The following SH3RF1 variants were observed in gnomAD, a reference collection of about 807,000 sequenced individuals.
SH3RF1 encodes the protein E3 ubiquitin-protein ligase SH3RF1.
A neutral mutation model predicts 74.0 loss-of-function variants in SH3RF1; 32 were observed. The ratio of observed to expected loss-of-function variants is 0.43; its 90% CI spans 0.33 to 0.58. The LOEUF is 0.58. Ranked by LOEUF, SH3RF1 falls within the 20% of genes least tolerant of loss-of-function variation. The probability of loss-of-function intolerance (pLI) is 0.05; values close to 1 mark genes in which losing one functional copy is unlikely to be tolerated. For missense variants in SH3RF1, 954 were observed against 1,130.9 expected (o/e 0.84, Z 2.24); for synonymous variants, 396 against 439.6 (o/e 0.90, Z 1.24).
chr4:169,182,291 C>T (rs925356675), intron 2 of SH3RF1, among the ~76,000 whole-genome samples: 13 of 152,092 alleles, frequency 8.5e-5, no homozygotes, highest in East Asian at 3.9e-4. Context: ...CTTTTATATG[C>T]GAATCAGGTA....
chr4:169,206,986 G>T (rs1232842586), intron 2 of SH3RF1, among the ~76,000 whole-genome samples: 2 of 151,866 alleles, frequency 1.3e-5, no homozygotes, highest in Admixed American at 1.3e-4. Flanking sequence ...TTGAGACAGG[G>T]TTTCACTCGT....
chr4:169,156,264 T>G (rs1416427496), intron 3 of SH3RF1, 140 bp downstream of exon 3: 31 of 906,054 alleles, frequency 3.4e-5, no homozygotes, highest in Non-Finnish European at 4.8e-5. Context: ...AGACTGCTTC[T>G]AGGCATTTTC....
At position 169,120,955 on chromosome 4, in the gene SH3RF1, C is replaced by G. The variant is rs1733427140; in HGVS notation, c.1381G>C (p.Glu461Gln). 6.2e-7 allele frequency: 1 copy of G among 1,614,034 alleles called. No individual in the cohort carries two copies. Among genetic ancestry groups the G allele is most frequent in the African/African-American group, 1.3e-5 (1 of 74,926 alleles). Residue 461 changes from glutamate (E) to glutamine (Q), a missense_variant, in exon 8 of 12, where the codon GAG becomes CAG. Transcript: ENST00000284637. ...CCTTTTCTCAGCTCTAGTTCATCCT[C>G]TTTCCGAGGAGTGTATGGATATATA... ...VAIYPYTPRK[E>Q]DELELRKGEM... is the part of the protein sequence containing the mutation.
intron 2 of SH3RF1, among the ~76,000 whole-genome samples, chr4:169,222,157 T>C (rs1374200519): frequency 6.6e-6 from 1 of 152,218 alleles, no homozygotes. Context: ...ACAATTATAA[T>C]ATGCTCTTAA....
chr4:169,173,970 T>A (rs2126974735), intron 2 of SH3RF1, among the ~76,000 whole-genome samples: 2 of 150,310 alleles, frequency 1.3e-5, no homozygotes, highest in Admixed American at 1.4e-4. Flanking sequence ...ATACGGCTAA[T>A]GCTAGTTCTT....
At chr4:169,262,014 T>C (rs1408586909) in intron 2 of SH3RF1, among the ~76,000 whole-genome samples, 1 of 152,124 alleles carries the variant, frequency 6.6e-6, no homozygotes, top group Admixed American at 6.5e-5. Flanking sequence ...AAAAATACTA[T>C]GAGAAAAATA....
At chr4:169,229,607 C>T (rs986019999) in intron 2 of SH3RF1, among the ~76,000 whole-genome samples, 2 of 152,018 alleles carry the variant, frequency 1.3e-5, no homozygotes, top group Non-Finnish European at 2.9e-5. Context: ...GTTTTCAGAA[C>T]GTTTTCCTAA....
chr4:169,160,099 A>G (rs1734127430), intron 2 of SH3RF1, among the ~76,000 whole-genome samples: 1 of 152,182 alleles, frequency 6.6e-6, no homozygotes, highest in South Asian at 2.1e-4. Flanking sequence ...ATTCACCATT[A>G]TGGCCTGTTT....
At chr4:169,153,268 T>C (rs1734001798) in intron 4 of SH3RF1, among the ~76,000 whole-genome samples, 1 of 152,176 alleles carries the variant, frequency 6.6e-6, no homozygotes, top group African/African-American at 2.4e-5. Flanking sequence ...AGATACATCA[T>C]CTCATTCAAT....
At chr4:169,184,445 C>T (rs1472832078) in intron 2 of SH3RF1, among the ~76,000 whole-genome samples, 1 of 152,240 alleles carries the variant, frequency 6.6e-6, no homozygotes, top group Non-Finnish European at 1.5e-5. Context: ...CAGACCCGGG[C>T]TTGCATCCAG....
intron 2 of SH3RF1, among the ~76,000 whole-genome samples, chr4:169,260,039 G>C (rs971844112): frequency 2.0e-5 from 3 of 152,174 alleles, no homozygotes; most frequent in African/African-American, 7.2e-5. Context: ...TTAATAAATG[G>C]AGTGAGCGTC....
chr4:169,100,188 T>C (rs572493177), intron 11 of SH3RF1, among the ~76,000 whole-genome samples: 1 of 152,078 alleles, frequency 6.6e-6, no homozygotes, highest in Non-Finnish European at 1.5e-5. Context: ...TGAACAGGGG[T>C]TTGGGGAAGT....
At chr4:169,172,804 C>T (rs910593766) in intron 2 of SH3RF1, among the ~76,000 whole-genome samples, 3 of 151,812 alleles carry the variant, frequency 2.0e-5, no homozygotes, top group Admixed American at 1.3e-4. Context: ...ACAAAGCAAG[C>T]GAAGAAGGTG....
intron 2 of SH3RF1, among the ~76,000 whole-genome samples, chr4:169,183,029 G>T (rs1370485489): frequency 6.6e-6 from 1 of 152,128 alleles, no homozygotes; most frequent in Non-Finnish European, 1.5e-5. Context: ...GCGGGGTGCG[G>T]GCATGGTGGT....
At chr4:169,270,535 C>T (rs942529872) in intron 1 of SH3RF1, among the ~76,000 whole-genome samples, 1 of 152,222 alleles carries the variant, frequency 6.6e-6, no homozygotes, top group African/African-American at 2.4e-5. Flanking sequence ...CAGAGTGCCA[C>T]GGGGAAGCAG....
At chr4:169,267,501 T>A (rs949290799) in intron 2 of SH3RF1, among the ~76,000 whole-genome samples, 4 of 152,194 alleles carry the variant, frequency 2.6e-5, no homozygotes, top group Non-Finnish European at 5.9e-5. Context: ...TGTAAGCAGA[T>A]CAGTTTCACA....
rs148493340 is a variant in SH3RF1, at chr4:169,107,034, C to T, written c.2311G>A (p.Gly771Ser). 3.3e-4 allele frequency: 531 copies of T among 1,613,892 alleles called. 3 individuals carry two copies. In the African/African-American group the frequency reaches 5.8e-3, roughly 18 times the overall value. The change falls in exon 11 of 12, where the codon GGC becomes AGC. Residue 771 changes from glycine (G) to serine (S), a missense_variant. Gly to Ser is a moderately conservative substitution (Grantham distance 56). Transcript: ENST00000284637. Reference protein sequence around the residue: ...LPPGGGHGRAGSCPVDGDGPV... With the variant: ...LPPGGGHGRASSCPVDGDGPV... Reference sequence around the variant, plus strand: ...CCGTCCCCGTCCACAGGGCAGGAGCCTGCCCTGCCATGGCCACCTCCTGGT... The same window carrying T: ...CCGTCCCCGTCCACAGGGCAGGAGCTTGCCCTGCCATGGCCACCTCCTGGT...
At chr4:169,102,568 T>G (rs1220125732) in intron 11 of SH3RF1, among the ~76,000 whole-genome samples, 1 of 152,124 alleles carries the variant, frequency 6.6e-6, no homozygotes, top group Non-Finnish European at 1.5e-5. Context: ...TTCTTTTATT[T>G]GCCATCCCTT....
Position 169,156,660 on chromosome 4 carries a change from C to T in SH3RF1, c.413G>A (p.Cys138Tyr). Residue 138 changes from cysteine (C) to tyrosine (Y), a missense_variant, in exon 3 of 12, where the codon TGT becomes TAT. Cys to Tyr is a radical substitution (Grantham distance 194, BLOSUM62 -2). This residue lies in a region of SH3RF1 where 854 missense variants were observed against 962.5 expected (regional missense o/e 0.89). Coordinates refer to ENST00000284637, the MANE Select transcript of SH3RF1 (RefSeq NM_020870.4). ...TTCATAGTTGTATAATGCTTTGGCA[C>T]ATGGTAACTGAGGTATACCCTTTAA... ...PPVRGIPQLPCAKALYNYEGK... is the reference protein window; with the variant it reads ...PPVRGIPQLPYAKALYNYEGK... 1 of 1,610,854 alleles carries T rather than the reference C, an allele frequency of 6.2e-7. No homozygotes were observed. Among genetic ancestry groups the T allele is most frequent in the Non-Finnish European group, 8.5e-7 (1 of 1,178,206 alleles).
Sources: gnomAD v4.1 joint callset for allele counts (sites outside exome capture counted in the v4.1 genomes callset) on GRCh38, gnomAD v4.1.1 for gene constraint, gnomAD v4.1.1 regional missense constraint, MANE v1.5 for transcripts, NCBI Gene and HGNC (gene_info 2026-07-23, HGNC 2026-07-21) for gene names.